Variants in ATG10 observed in about 807,000 individuals in gnomAD.
ATG10 encodes autophagy related 10.
In ATG10, 30 loss-of-function variants were observed where a neutral mutation model predicts 32.1. The observed-to-expected ratio is 0.94, with a 90% CI of 0.70 to 1.27. ATG10 has a LOEUF of 1.27. ATG10 is among the 50% of genes most tolerant of loss of function. The pLI is 0.00. For synonymous variants in ATG10, 87 were observed against 91.5 expected, an observed-to-expected ratio of 0.95 and a Z score of 0.28; for missense variants, 233 against 262.3, an observed-to-expected ratio of 0.89 and a Z score of 0.77.
intron 2 of ATG10, among the ~76,000 whole-genome samples, chr5:82,020,015 G>A (rs1426781595): frequency 6.6e-6 from 1 of 152,234 alleles, no homozygotes; most frequent in African/African-American, 2.4e-5. Context: ...CCCTGCAGGC[G>A]CCTCTGAAGC....
intron 3 of ATG10, among the ~76,000 whole-genome samples, chr5:82,059,219 G>A (rs546648785): frequency 2.6e-5 from 4 of 151,688 alleles, no homozygotes; most frequent in African/African-American, 4.8e-5. Flanking sequence ...TCTTTTTATC[G>A]AAATGCAAAT....
At chr5:82,075,118 A>T (rs1764235074) in intron 3 of ATG10, among the ~76,000 whole-genome samples, 2 of 152,204 alleles carry the variant, frequency 1.3e-5, no homozygotes, top group South Asian at 4.1e-4. Flanking sequence ...GAGCAGAAAG[A>T]TATCATAGGA....
intron 5 of ATG10, among the ~76,000 whole-genome samples, chr5:82,244,727 G>A (rs936130567): frequency 6.6e-5 from 10 of 152,206 alleles, no homozygotes; most frequent in African/African-American, 2.4e-4. Flanking sequence ...ATGTAAGAAT[G>A]AAGGTGCAGT....
chr5:82,123,007 G>A (rs988822494), intron 3 of ATG10, among the ~76,000 whole-genome samples: 2 of 152,298 alleles, frequency 1.3e-5, no homozygotes, highest in Admixed American at 6.5e-5. Flanking sequence ...CCATCACTGG[G>A]TGTATATCCA....
chr5:81,972,340 C>T (rs1037496734), intron 1 of ATG10, 34 bp downstream of exon 1: 1 of 152,320 alleles, frequency 6.6e-6, no homozygotes, highest in African/African-American at 2.4e-5. Flanking sequence ...CCGGTTGTCT[C>T]CTCCCGGCTC....
chr5:82,060,070 G>T (rs1763718090), intron 3 of ATG10, among the ~76,000 whole-genome samples: 1 of 152,190 alleles, frequency 6.6e-6, no homozygotes, highest in South Asian at 2.1e-4. Context: ...TGAGGGAACT[G>T]ACACTTTCTG....
intron 2 of ATG10, among the ~76,000 whole-genome samples, chr5:82,034,621 C>G (rs1161931911): frequency 6.6e-6 from 1 of 152,098 alleles, no homozygotes; most frequent in African/African-American, 2.4e-5. Context: ...AGTGGTTCCT[C>G]TCGTCTTTCT....
chr5:82,219,202 A>G (rs779729049), intron 5 of ATG10, among the ~76,000 whole-genome samples: 1 of 152,224 alleles, frequency 6.6e-6, no homozygotes, highest in Non-Finnish European at 1.5e-5. Context: ...TACCATGTAC[A>G]CTGTAATCGC....
intron 3 of ATG10, among the ~76,000 whole-genome samples, chr5:82,085,845 T>C (rs2149787711): frequency 6.6e-6 from 1 of 152,278 alleles, no homozygotes; most frequent in East Asian, 1.9e-4. Flanking sequence ...ATTTTACTTA[T>C]TTCTAATTAT....
intron 1 of ATG10, chr5:81,973,096 T>G (rs1356372953): frequency 1.3e-5 from 2 of 152,122 alleles, no homozygotes; most frequent in African/African-American, 4.8e-5. Context: ...CTCCTAAAGG[T>G]TGTAGTTTTA....
intron 3 of ATG10, among the ~76,000 whole-genome samples, chr5:82,071,026 G>T (rs1291487131): frequency 6.6e-6 from 1 of 152,046 alleles, no homozygotes; most frequent in African/African-American, 2.4e-5. Context: ...TGTGACACTG[G>T]TGACAAGGAA....
At chr5:82,017,727 G>A (rs952837067) in intron 2 of ATG10, among the ~76,000 whole-genome samples, 2 of 152,060 alleles carry the variant, frequency 1.3e-5, no homozygotes, top group Admixed American at 6.6e-5. Flanking sequence ...TATTATTAAT[G>A]TTACCAGTGA....
chr5:82,206,124 T>C (rs561367034), intron 5 of ATG10, among the ~76,000 whole-genome samples: 2 of 152,250 alleles, frequency 1.3e-5, no homozygotes, highest in South Asian at 4.1e-4. Flanking sequence ...AGTGTGGCTA[T>C]TGGAGTGCTA....
chr5:82,131,562 G>T (rs1298032274), intron 3 of ATG10, among the ~76,000 whole-genome samples: 1 of 151,786 alleles, frequency 6.6e-6, no homozygotes, highest in East Asian at 1.9e-4. Context: ...TAGAGGGAAA[G>T]TACTTTGGAA....
At chr5:82,235,332 A>G (rs1021314791) in intron 5 of ATG10, among the ~76,000 whole-genome samples, 1 of 152,112 alleles carries the variant, frequency 6.6e-6, no homozygotes, top group Non-Finnish European at 1.5e-5. Flanking sequence ...AGCAACCCCA[A>G]ATGATTCTGA....
chr5:82,000,334 A>G (rs1323815733), intron 2 of ATG10, among the ~76,000 whole-genome samples: 2 of 152,232 alleles, frequency 1.3e-5, no homozygotes, highest in Non-Finnish European at 2.9e-5. Context: ...AATGAGAGCC[A>G]TCTACGACAA....
intron 2 of ATG10, among the ~76,000 whole-genome samples, chr5:82,004,891 A>G (rs1761947762): frequency 6.6e-6 from 1 of 152,216 alleles, no homozygotes; most frequent in African/African-American, 2.4e-5. Context: ...TTAATTCTCA[A>G]AATGGCACCA....
intron 2 of ATG10, among the ~76,000 whole-genome samples, chr5:82,052,538 T>G (rs1464297298): frequency 2.6e-5 from 4 of 152,202 alleles, no homozygotes; most frequent in Admixed American, 2.6e-4. Context: ...ATTAATTATT[T>G]GTTTAAAATG....
chr5:82,160,855 G>T lies in ATG10; in HGVS notation c.217-3544G>T, dbSNP rs567010307. The stretch of plus-strand genomic sequence containing the variant: ...CCATTTACTTCTTTTTAGTTGTTAG[G>T]ATGGTGTGAGATTGCTGGTAAATTA... On this transcript the variant is annotated intron_variant, in intron 3 of 7. Coordinates refer to ENST00000282185, the MANE Select transcript of ATG10 (RefSeq NM_031482.5). Among the ~76,000 whole-genome samples the T allele has an allele frequency of 2.6e-5, 4 of 152,144 alleles. No homozygotes were observed. In the South Asian group the frequency reaches 8.3e-4, roughly 32 times the overall value.
Sources: gnomAD v4.1 joint callset for allele counts (sites outside exome capture counted in the v4.1 genomes callset) on GRCh38, gnomAD v4.1.1 for gene constraint, MANE v1.5 for transcripts, NCBI Gene and HGNC (gene_info 2026-07-23, HGNC 2026-07-21) for gene names.